Variants in MYH8 observed in about 807,000 individuals in gnomAD.
MYH8 encodes the protein myosin heavy chain 8.
A neutral mutation model predicts 233.2 loss-of-function variants in MYH8; 168 were observed. The ratio of observed to expected loss-of-function variants is 0.72; its 90% CI spans 0.64 to 0.82. The LOEUF (loss-of-function observed/expected upper bound fraction) is 0.82, where lower values mean the gene tolerates loss of function less well. MYH8 is among the 40% of genes least tolerant of loss of function. The probability of loss-of-function intolerance (pLI) is 0.00; values close to 1 mark genes in which losing one functional copy is unlikely to be tolerated. For synonymous variants in MYH8, 785 were observed against 850.6 expected, an observed-to-expected ratio of 0.92 and a Z score of 1.34; for missense variants, 1,995 against 2,327.8, an observed-to-expected ratio of 0.86 and a Z score of 2.94.
At position 10,412,600 on chromosome 17, in the gene MYH8, A is replaced by T; in HGVS notation, c.1266+10T>A. 5 of 1,614,206 alleles carry T rather than the reference A, an allele frequency of 3.1e-6. No homozygotes were observed. Among genetic ancestry groups the T allele is most frequent in the Non-Finnish European group, 4.2e-6 (5 of 1,180,012 alleles). ...GAGATGTGTGTGATTCATTGAGGTCATGCACTTACCTGCTGCACAGTCTGG... is the reference window on the plus strand; with the variant it reads ...GAGATGTGTGTGATTCATTGAGGTCTTGCACTTACCTGCTGCACAGTCTGG... On this transcript the variant is annotated intron_variant, in intron 13 of 39. Coordinates refer to ENST00000403437, the MANE Select transcript of MYH8 (RefSeq NM_002472.3).
At chr17:10,406,571 C>CTGTTATCCTTCTAACCTGTTG in intron 19 of MYH8, 119 bp downstream of exon 19, 1 of 1,346,124 alleles carries the variant, frequency 7.4e-7, no homozygotes, top group Non-Finnish European at 1.1e-6. Flanking sequence ...TGCCTGCTTC[C>CTGTTATCCTTCTAACCTGTTG]TGTTATCCTT....
At chr17:10,397,257 G>A in intron 30 of MYH8, among the ~76,000 whole-genome samples, 1 of 151,960 alleles carries the variant, frequency 6.6e-6, no homozygotes, top group East Asian at 1.9e-4. Flanking sequence ...TTGTATATAT[G>A]TATATTTTTT....
intron 9 of MYH8, among the ~76,000 whole-genome samples, chr17:10,414,837 T>C (rs1452897903): frequency 6.6e-6 from 1 of 152,148 alleles, no homozygotes; most frequent in Non-Finnish European, 1.5e-5. Context: ...CAGAGATGTA[T>C]TGGAAACCCA....
chr17:10,411,451 T>C (rs1210109933), intron 14 of MYH8, among the ~76,000 whole-genome samples: 2 of 152,036 alleles, frequency 1.3e-5, no homozygotes, highest in African/African-American at 4.8e-5. Context: ...GTCCCAGATA[T>C]CAATGTTAGA....
At position 10,404,573 on chromosome 17, in the gene MYH8, G is replaced by T; in HGVS notation, c.2445C>A (p.Phe815Leu). The change falls in exon 22 of 40, where the codon TTC becomes TTA. Residue 815 changes from phenylalanine to leucine, a missense_variant. By Grantham distance (22) the Phe-to-Leu change is conservative. Transcript: ENST00000403437. ...QKMLQRREAL[F>L]CIQYNVRAFM... ...AGGCACGGACATTATACTGGATGCA[G>T]AAAAGTGCTTCTCTGCGATGACATG... 1 of 1,613,980 alleles carries T rather than the reference G, an allele frequency of 6.2e-7. No homozygotes were observed. The highest frequency in any genetic ancestry group is 8.5e-7 in the Non-Finnish European group (1 of 1,179,864).
Position 10,400,120 on chromosome 17 carries a change from G to A in MYH8, c.3735+270C>T, listed in dbSNP as rs192023975. On this transcript the variant is annotated intron_variant, in intron 27 of 39. Coordinates refer to ENST00000403437, the MANE Select transcript of MYH8 (RefSeq NM_002472.3). The surrounding 1 kb of genome is among the most constrained non-coding windows in gnomAD (Gnocchi z 4.0). ...GGGGAGGCTGAGGCAGGAGAGTGGC[G>A]TGAACCCGGGAGGCGGAGCTTGCAG... is the stretch of plus-strand genomic sequence containing the variant. 7.3e-4 allele frequency among the ~76,000 whole-genome samples: 111 copies of A among 152,168 alleles called. No individual in the cohort carries two copies. The highest frequency in any genetic ancestry group is 2.6e-3 in the African/African-American group (106 of 41,546).
In MYH8 at chr17:10,395,497, A is replaced by T. The variant is rs1038945412; in HGVS notation, c.4654-56T>A. ...AGAAGAACCTGAGTATTTGGAGTAT[A>T]TTCCCTCGTGAGCCAAACTCTTGTC... On this transcript the variant is annotated intron_variant, in intron 33 of 39. Coordinates refer to ENST00000403437, the MANE Select transcript of MYH8 (RefSeq NM_002472.3). 5.7e-6 allele frequency: 9 copies of T among 1,574,930 alleles called. No homozygotes were observed. In the African/African-American group the frequency reaches 1.1e-4, roughly 19 times the overall value.
Position 10,395,369 on chromosome 17 carries a change from C to T in MYH8, c.4726G>A (p.Asp1576Asn). The change falls in exon 34 of 40, where the codon GAT becomes AAT. Residue 1576 changes from aspartate to asparagine, a missense_variant. Physicochemically the swap from Asp to Asn is conservative, Grantham distance 23. Transcript: ENST00000403437. ...LELNQVKSEV[D>N]RKIAEKDEEI... ...TCATCCTTTTCTGCGATTTTTCTAT[C>T]AACTTCAGACTTGACTTGGTTTAAC... 1 of 1,614,130 alleles carries T rather than the reference C, an allele frequency of 6.2e-7. No individual in the cohort carries two copies. Among genetic ancestry groups the T allele is most frequent in the South Asian group, 1.1e-5 (1 of 91,070 alleles).
intron 34 of MYH8, 90 bp downstream of exon 34, chr17:10,395,043 G>A: frequency 7.0e-7 from 1 of 1,434,874 alleles, no homozygotes. Context: ...TTTGTTAAGA[G>A]AAAAAAAGGA....
At chr17:10,412,882 G>A (rs1004641133) in intron 12 of MYH8, among the ~76,000 whole-genome samples, 154 bp from the exon 13 acceptor site, 1 of 152,158 alleles carries the variant, frequency 6.6e-6, no homozygotes, top group Non-Finnish European at 1.5e-5. Flanking sequence ...TAGAGCATGT[G>A]GTTGCCAGTA....
intron 34 of MYH8, among the ~76,000 whole-genome samples, chr17:10,394,870 A>G (rs902686612): frequency 6.6e-6 from 1 of 152,246 alleles, no homozygotes; most frequent in Non-Finnish European, 1.5e-5. Context: ...TGACAAAACT[A>G]AGACTCAACC....
Position 10,406,937 on chromosome 17 carries a change from G to A in MYH8, c.2008C>T (p.Pro670Ser), listed in dbSNP as rs1424405891. Residue 670 changes from proline to serine, a missense_variant, in exon 18 of 40, where the codon CCT (proline) becomes TCT (serine). Coordinates refer to ENST00000403437, the MANE Select transcript of MYH8 (RefSeq NM_002472.3). The part of the protein sequence containing the change: ...KLMTNLRSTH[P>S]HFVRCIIPNE... ...GGAATGATACACCGTACGAAGTGAGGGTGTGTGCTCCTCAGATTCGTCATC... is the reference window on the plus strand; with the variant it reads ...GGAATGATACACCGTACGAAGTGAGAGTGTGTGCTCCTCAGATTCGTCATC... The A allele has an allele frequency of 1.9e-6, 3 of 1,613,860 alleles. No individual in the cohort carries two copies. Among genetic ancestry groups the A allele is most frequent in the African/African-American group, 2.7e-5 (2 of 74,882 alleles).
Position 10,419,522 on chromosome 17 carries a change from T to C in MYH8, c.211-492A>G, listed in dbSNP as rs2072318167. ...TTTAATGTTAAGAAAACCTGTTTCC[T>C]ATGATGAGCTAGGACACTATCTTTT... is the stretch of plus-strand genomic sequence containing the variant. On this transcript the variant is annotated intron_variant, in intron 3 of 39. Coordinates refer to ENST00000403437, the MANE Select transcript of MYH8 (RefSeq NM_002472.3). This position sits in a 1 kb window ranked among gnomAD's most constrained non-coding sequence, Gnocchi z 4.0. Among the ~76,000 whole-genome samples, 3 of 152,248 alleles carry C rather than the reference T, an allele frequency of 2.0e-5. No homozygotes were observed. The highest frequency in any genetic ancestry group is 2.0e-4 in the Admixed American group (3 of 15,288).
intron 15 of MYH8, 128 bp from the exon 16 acceptor site, chr17:10,409,716 G>C: frequency 8.0e-7 from 1 of 1,253,558 alleles, no homozygotes; most frequent in Non-Finnish European, 1.1e-6. Context: ...CAGGGTCACA[G>C]CTCGAAGAAG....
chr17:10,416,001 CA>C (rs2072286778), intron 5 of MYH8, among the ~76,000 whole-genome samples: 1 of 152,090 alleles, frequency 6.6e-6, no homozygotes, highest in Non-Finnish European at 1.5e-5. Flanking sequence ...AGATCACTGG[CA>C]GTAAGTACAT....
In MYH8 at chr17:10,412,243, A is replaced by G. The variant is rs548838877; in HGVS notation, c.1416+127T>C. On this transcript the variant is annotated intron_variant, in intron 14 of 39. Coordinates refer to ENST00000403437, the MANE Select transcript of MYH8 (RefSeq NM_002472.3). Reference sequence around the variant, plus strand: ...TATGTTACCTCCTATTTTGGAGATAACCTTTGTTCTAGGTGCAGTGTTGGA... The same window carrying G: ...TATGTTACCTCCTATTTTGGAGATAGCCTTTGTTCTAGGTGCAGTGTTGGA... The G allele has an allele frequency of 7.9e-4, 1,245 of 1,573,156 alleles. 15 individuals are homozygous for G. In the South Asian group the frequency reaches 0.011, roughly 14 times the overall value.
chr17:10,414,603 C>T, intron 9 of MYH8, 119 bp from the exon 10 acceptor site: 1 of 728,334 alleles, frequency 1.4e-6, no homozygotes, highest in Admixed American at 2.1e-5. Flanking sequence ...GAGATTTCAA[C>T]TTGATGACCA....
Position 10,406,312 on chromosome 17 carries a change from C to T in MYH8, c.2257G>A (p.Asp753Asn). 1 of 1,613,336 alleles carries T rather than the reference C, an allele frequency of 6.2e-7. No individual in the cohort carries two copies. Among genetic ancestry groups the T allele is most frequent in the Non-Finnish European group, 8.5e-7 (1 of 1,179,356 alleles). The stretch of plus-strand genomic sequence containing the variant: ...AATTTATATTGAGTATGATCAATAT[C>T]AATAGATGCAAGAAGTTTCTCAGAA... ...KASEKLLASI[D>N]IDHTQYKFGH... The change falls in exon 20 of 40, where the codon GAT becomes AAT. Residue 753 changes from aspartate (D) to asparagine (N), a missense_variant. Asp to Asn is a conservative substitution (Grantham distance 23). Coordinates refer to ENST00000403437, the MANE Select transcript of MYH8 (RefSeq NM_002472.3).
chr17:10,407,655 G>A (rs547561637), intron 17 of MYH8, among the ~76,000 whole-genome samples: 2 of 151,892 alleles, frequency 1.3e-5, no homozygotes, highest in African/African-American at 4.8e-5. Context: ...CCTGGGCAAC[G>A]TAGTGAAACC....
Sources: allele counts gnomAD v4.1 joint callset (sites outside exome capture counted in the v4.1 genomes callset), GRCh38; gene constraint gnomAD v4.1.1; non-coding constraint Gnocchi (gnomAD v3.1); transcripts MANE v1.5; gene names NCBI Gene and HGNC (gene_info 2026-07-23, HGNC 2026-07-21).